Variants in ARID2 observed in about 807,000 individuals in gnomAD.
ARID2 encodes AT-rich interaction domain 2, also known as AT-rich interactive domain-containing protein 2.
A neutral mutation model predicts 184.6 loss-of-function variants in ARID2; 32 were observed. That is an observed-to-expected ratio of 0.17 (90% CI 0.13 to 0.23). ARID2 has a LOEUF of 0.23. ARID2 is among the 10% of genes least tolerant of loss of function. ARID2 has a pLI of 1.00. For missense variants in ARID2, 1,696 were observed against 2,197.6 expected (o/e 0.77, Z 4.56); for synonymous variants, 836 against 772.6 (o/e 1.08, Z -1.36).
At chr12:45,802,305 TG>T (rs1198367390) in intron 3 of ARID2, among the ~76,000 whole-genome samples, 2 of 152,128 alleles carry the variant, frequency 1.3e-5, no homozygotes, top group African/African-American at 4.8e-5. Flanking sequence ...TGGGCTCAGG[TG>T]ATCCTCACAC....
chr12:45,759,489 A>G lies in ARID2; in HGVS notation c.284+28175A>G, dbSNP rs574465110. 6.6e-5 allele frequency among the ~76,000 whole-genome samples: 10 copies of G among 152,300 alleles called. No individual in the cohort carries two copies. In the East Asian group the frequency reaches 9.6e-4, roughly 15 times the overall value. On this transcript the variant is annotated intron_variant, in intron 3 of 20. Transcript: ENST00000334344. ...GATGCAGTGGTCCACTTAAATTGCA[A>G]TATGATCTAGGAGATTTTAGGTCTT... is the stretch of plus-strand genomic sequence containing the variant.
chr12:45,847,807 A>G (rs1452109668), intron 12 of ARID2, among the ~76,000 whole-genome samples: 1 of 152,002 alleles, frequency 6.6e-6, no homozygotes. Flanking sequence ...ATGGTTTTAA[A>G]TATCTCTAAT....
intron 3 of ARID2, among the ~76,000 whole-genome samples, chr12:45,793,327 ATC>A (rs1218376207): frequency 7.1e-6 from 1 of 140,230 alleles, no homozygotes; most frequent in Non-Finnish European, 1.5e-5. Context: ...TTGTATTTTT[ATC>A]TCTCTGCTTT....
intron 3 of ARID2, among the ~76,000 whole-genome samples, chr12:45,763,103 G>A (rs1218135467): frequency 2.0e-5 from 3 of 152,158 alleles, no homozygotes; most frequent in Non-Finnish European, 4.4e-5. Context: ...AGGTTTATAA[G>A]AATTGTGTAT....
At chr12:45,862,768 AC>A (rs1335081084) in intron 16 of ARID2, among the ~76,000 whole-genome samples, 10 of 152,184 alleles carry the variant, frequency 6.6e-5, no homozygotes, top group Non-Finnish European at 1.2e-4. Flanking sequence ...GAGTTAATGA[AC>A]CTAGATGTCT....
rs930473740 is a variant in ARID2 at position 45,856,067 on chromosome 12, CTTTTTTTTT to C, written c.4773+3188_4773+3196del. Among the ~76,000 whole-genome samples, 16 of 74,618 alleles carry C rather than the reference CTTTTTTTTT, an allele frequency of 2.1e-4. No homozygotes were observed. In the South Asian group the frequency reaches 2.9e-3, roughly 13 times the overall value. The allele number at this position is 74,618 out of a possible 152,430, so 49.0% of individuals were successfully genotyped here. On this transcript the variant is annotated intron_variant, in intron 15 of 20. Transcript: ENST00000334344. ...ATGTACTCTTTTTCTTTCTTCTTTT[CTTTTTTTTT>C]TTTTTTTTTTTTTTTTGAGACACAG...
intron 3 of ARID2, among the ~76,000 whole-genome samples, chr12:45,761,137 T>C (rs1004879111): frequency 6.6e-6 from 1 of 150,592 alleles, no homozygotes; most frequent in Admixed American, 6.6e-5. Flanking sequence ...TTATATCATA[T>C]CCCTTCAGTG....
At chr12:45,847,268 G>A (rs1034287730) in intron 12 of ARID2, among the ~76,000 whole-genome samples, 1 of 151,942 alleles carries the variant, frequency 6.6e-6, no homozygotes, top group African/African-American at 2.4e-5. Context: ...TACAAAATTT[G>A]TTCTTCTAAA....
At chr12:45,794,448 T>A (rs1246322027) in intron 3 of ARID2, among the ~76,000 whole-genome samples, 1 of 152,336 alleles carries the variant, frequency 6.6e-6, no homozygotes, top group East Asian at 1.9e-4. Context: ...CAATTTCTAA[T>A]AAATTTTGAA....
At position 45,848,947 on chromosome 12, in the gene ARID2, A is replaced by C. The variant is rs776411576; in HGVS notation, c.1692A>C (p.Ser564=). The C allele has an allele frequency of 6.0e-5, 97 of 1,612,038 alleles. No homozygotes were observed. The South Asian group carries it at 1.0e-3, about 17-fold the overall frequency. The change falls in exon 13 of 21, where the codon TCA becomes TCC. Residue 564 remains serine (S), a synonymous_variant. Transcript: ENST00000334344. ...SKLARGGILT[S]TGFYKCLRTV... ...TAGCTCGTGGTGGAATCCTAACATC[A>C]ACTGGATTTTATAAATGTCTTAGGT...
intron 11 of ARID2, among the ~76,000 whole-genome samples, chr12:45,843,838 T>C (rs563251325): frequency 1.3e-5 from 2 of 152,330 alleles, no homozygotes; most frequent in Non-Finnish European, 2.9e-5. Flanking sequence ...TAGTTTTTAT[T>C]AACAAAAGTC....
intron 16 of ARID2, among the ~76,000 whole-genome samples, chr12:45,886,731 G>A (rs117174159): frequency 0.039 from 5,866 of 152,280 alleles, 539 homozygotes; most frequent in East Asian, 0.31. Context: ...TCAACACCAC[G>A]TGAAAGCTGC....
chr12:45,772,629 C>CA (rs955424793), intron 3 of ARID2, among the ~76,000 whole-genome samples: 1 of 151,258 alleles, frequency 6.6e-6, no homozygotes, highest in Non-Finnish European at 1.5e-5. Flanking sequence ...GATTTTAAAA[C>CA]AAAAAAAAGT....
chr12:45,834,493 A>G (rs1943178687), intron 6 of ARID2, among the ~76,000 whole-genome samples: 1 of 152,218 alleles, frequency 6.6e-6, no homozygotes, highest in South Asian at 2.1e-4. Flanking sequence ...ATGTAATCCC[A>G]GCACTTTGGG....
At chr12:45,866,140 TACTC>T (rs564966407) in intron 16 of ARID2, among the ~76,000 whole-genome samples, 23 of 152,224 alleles carry the variant, frequency 1.5e-4, no homozygotes, top group African/African-American at 5.5e-4. Context: ...ATATATGTAA[TACTC>T]ATTAATATGA....
At chr12:45,862,977 G>A (rs867053124) in intron 16 of ARID2, among the ~76,000 whole-genome samples, 6 of 151,994 alleles carry the variant, frequency 3.9e-5, no homozygotes, top group Non-Finnish European at 7.4e-5. Flanking sequence ...CATCCTCTAC[G>A]AGGGTGCATG....
At chr12:45,895,236 T>C (rs1413193393) in intron 20 of ARID2, among the ~76,000 whole-genome samples, 2 of 152,214 alleles carry the variant, frequency 1.3e-5, no homozygotes, top group East Asian at 3.8e-4. Flanking sequence ...CTTAGCACAG[T>C]GCCCAACACA....
intron 3 of ARID2, among the ~76,000 whole-genome samples, chr12:45,784,428 A>G (rs1235719466): frequency 6.6e-6 from 1 of 152,206 alleles, no homozygotes; most frequent in Non-Finnish European, 1.5e-5. Flanking sequence ...AATAAACACA[A>G]TGAGAAACAT....
chr12:45,741,451 G>A (rs939736957), intron 3 of ARID2, among the ~76,000 whole-genome samples: 1 of 152,164 alleles, frequency 6.6e-6, no homozygotes, highest in Non-Finnish European at 1.5e-5. Flanking sequence ...ATTTGCATTG[G>A]CCTCCAAAGT....
Sources: gnomAD v4.1 joint callset for allele counts (sites outside exome capture counted in the v4.1 genomes callset) on GRCh38, gnomAD v4.1.1 for gene constraint, MANE v1.5 for transcripts, NCBI Gene and HGNC (gene_info 2026-07-23, HGNC 2026-07-21) for gene names.